Variants in SEMA3E observed in about 807,000 individuals in gnomAD.
The protein encoded by SEMA3E is semaphorin 3E.
SEMA3E carries 49 observed loss-of-function variants against 93.6 expected under a neutral mutation model. That is an observed-to-expected ratio of 0.52 (90% CI 0.42 to 0.66). SEMA3E has a LOEUF of 0.66. Among genes scored for constraint, SEMA3E ranks in the 30% least tolerant of loss-of-function variants. SEMA3E has a pLI of 0.00. For missense variants in SEMA3E, 906 were observed against 964.8 expected (o/e 0.94, Z 0.81); for synonymous variants, 363 against 330.7 (o/e 1.10, Z -1.06).
At chr7:83,466,872 TA>T (rs1234107842) in intron 3 of SEMA3E, among the ~76,000 whole-genome samples, 2 of 152,174 alleles carry the variant, frequency 1.3e-5, no homozygotes, top group East Asian at 1.9e-4. Context: ...AACTGAGGAA[TA>T]AAAAAAGCAC....
chr7:83,490,304 C>T, intron 1 of SEMA3E, 30 bp from the exon 2 acceptor site: 1 of 1,606,066 alleles, frequency 6.2e-7, no homozygotes, highest in Non-Finnish European at 8.5e-7. Flanking sequence ...ATACACTAAG[C>T]ACACGAGAAA....
intron 14 of SEMA3E, among the ~76,000 whole-genome samples, chr7:83,392,083 T>C (rs555807641): frequency 2.6e-4 from 40 of 152,220 alleles, no homozygotes; most frequent in Admixed American, 1.9e-3. Flanking sequence ...ATTGTAGGCA[T>C]TGGAGTTTGG....
intron 1 of SEMA3E, among the ~76,000 whole-genome samples, chr7:83,498,027 A>T (rs899778734): frequency 6.6e-6 from 1 of 152,216 alleles, no homozygotes; most frequent in Non-Finnish European, 1.5e-5. Context: ...AATGATTAAG[A>T]TGAAGACATT....
At chr7:83,503,294 A>T (rs1790632956) in intron 1 of SEMA3E, among the ~76,000 whole-genome samples, 1 of 152,072 alleles carries the variant, frequency 6.6e-6, no homozygotes, top group African/African-American at 2.4e-5. Flanking sequence ...CCCATCTCAG[A>T]TTGCAACAGA....
intron 16 of SEMA3E, among the ~76,000 whole-genome samples, chr7:83,373,585 T>C (rs1794779116): frequency 1.3e-5 from 2 of 152,118 alleles, no homozygotes; most frequent in African/African-American, 2.4e-5. Context: ...CCTATCACAC[T>C]ACGTGGAGAA....
intron 16 of SEMA3E, among the ~76,000 whole-genome samples, chr7:83,375,968 G>A (rs1286152153): frequency 1.3e-5 from 2 of 151,990 alleles, no homozygotes; most frequent in African/African-American, 2.4e-5. Context: ...TAAAAAATGA[G>A]ATAAATGATA....
chr7:83,589,261 C>A (rs1308754424), intron 1 of SEMA3E, among the ~76,000 whole-genome samples: 1 of 151,854 alleles, frequency 6.6e-6, no homozygotes, highest in African/African-American at 2.4e-5. Context: ...ATAATTATTC[C>A]TTTTTTTTAC....
At chr7:83,603,300 T>C (rs774700230) in intron 1 of SEMA3E, among the ~76,000 whole-genome samples, 17 of 152,210 alleles carry the variant, frequency 1.1e-4, no homozygotes, top group Non-Finnish European at 2.2e-4. Context: ...TATTAGATTG[T>C]TTTCAGTTCT....
intron 14 of SEMA3E, among the ~76,000 whole-genome samples, chr7:83,389,636 A>G (rs1787952574): frequency 6.6e-6 from 1 of 151,336 alleles, no homozygotes; most frequent in Non-Finnish European, 1.5e-5. Flanking sequence ...ATACACACAC[A>G]TACACGTATA....
chr7:83,559,078 C>T (rs1791975204), intron 1 of SEMA3E, among the ~76,000 whole-genome samples: 1 of 152,036 alleles, frequency 6.6e-6, no homozygotes, highest in Non-Finnish European at 1.5e-5. Flanking sequence ...ATAATTGGTG[C>T]TCATCTTTGA....
chr7:83,617,444 A>AAATTTTATATAAAAATATAT (rs1793394136), intron 1 of SEMA3E, among the ~76,000 whole-genome samples: 1 of 99,820 alleles, frequency 1.0e-5, no homozygotes, highest in South Asian at 3.2e-4. Context: ...AATTTTATAT[A>AAATTTTATATAAAAATATAT]AATTTTATAT....
At chr7:83,493,149 G>A (rs1387834640) in intron 1 of SEMA3E, among the ~76,000 whole-genome samples, 2 of 151,796 alleles carry the variant, frequency 1.3e-5, no homozygotes, top group Non-Finnish European at 2.9e-5. Context: ...GAAGCAAATC[G>A]ACACTTAGAT....
chr7:83,616,020 T>C (rs1018878776), intron 1 of SEMA3E, among the ~76,000 whole-genome samples: 4 of 151,500 alleles, frequency 2.6e-5, no homozygotes. Context: ...TGGTAAATTG[T>C]GGTGGGTTAA....
intron 4 of SEMA3E, among the ~76,000 whole-genome samples, chr7:83,434,705 ATTTC>A (rs1788964749): frequency 1.8e-5 from 2 of 108,550 alleles, no homozygotes; most frequent in South Asian, 3.1e-4. Flanking sequence ...CCTCAACTGT[ATTTC>A]TTTTTTTTTT....
At position 83,503,955 on chromosome 7, in the gene SEMA3E, A is replaced by C. The variant is rs1157653073; in HGVS notation, c.116-13681T>G. Among the ~76,000 whole-genome samples the C allele has an allele frequency of 2.6e-5, 4 of 152,158 alleles. 1 individual carries two copies. In the South Asian group the frequency reaches 8.3e-4, roughly 32 times the overall value. On this transcript the variant is annotated intron_variant, in intron 1 of 16. Coordinates refer to ENST00000643230, the MANE Select transcript of SEMA3E (RefSeq NM_012431.3). ...AGGATCACAGCAAAATAGCCTCTAC[A>C]TTTTCCCCACTTGACCTCTAATAAA...
intron 3 of SEMA3E, among the ~76,000 whole-genome samples, chr7:83,467,947 T>C (rs994269903): frequency 3.9e-5 from 6 of 152,250 alleles, no homozygotes; most frequent in African/African-American, 1.4e-4. Flanking sequence ...TAAATTAATT[T>C]TAGCAAGCAT....
At chr7:83,495,406 T>G (rs1315714298) in intron 1 of SEMA3E, among the ~76,000 whole-genome samples, 1 of 151,870 alleles carries the variant, frequency 6.6e-6, no homozygotes, top group Non-Finnish European at 1.5e-5. Flanking sequence ...TTTTCATCTA[T>G]CTCATCCATA....
intron 16 of SEMA3E, among the ~76,000 whole-genome samples, chr7:83,374,528 C>A (rs1455641734): frequency 2.6e-5 from 4 of 152,020 alleles, no homozygotes; most frequent in Non-Finnish European, 5.9e-5. Flanking sequence ...CTCTGGATGT[C>A]CACATTTAGG....
At chr7:83,422,380 C>T (rs1788684062) in intron 4 of SEMA3E, among the ~76,000 whole-genome samples, 1 of 152,134 alleles carries the variant, frequency 6.6e-6, no homozygotes, top group Non-Finnish European at 1.5e-5. Flanking sequence ...TTTGCAATGA[C>T]ATGAGAATAA....
Sources: allele counts gnomAD v4.1 joint callset (sites outside exome capture counted in the v4.1 genomes callset), GRCh38; gene constraint gnomAD v4.1.1; transcripts MANE v1.5; gene names NCBI Gene and HGNC (gene_info 2026-07-23, HGNC 2026-07-21).